Variants in ASDURF observed in about 807,000 individuals in gnomAD.
The protein encoded by ASDURF is ASNSD1 upstream open reading frame.
Under a neutral mutation model 3.3 loss-of-function variants are expected in ASDURF, and 3 were observed. The ratio of observed to expected loss-of-function variants is 0.92; its 90% CI spans 0.42 to 2.37. ASDURF has a LOEUF of 2.37. Ranked by LOEUF, ASDURF falls within the 30% of genes most tolerant of loss-of-function variation. ASDURF has a pLI of 0.05. For synonymous variants in ASDURF, 11 were observed against 8.3 expected, an observed-to-expected ratio of 1.32 and a Z score of -0.55; for missense variants, 23 against 25.4, an observed-to-expected ratio of 0.90 and a Z score of 0.21.
In ASDURF at chr2:189,666,228, C is replaced by T. The variant is rs568023301; in HGVS notation, c.*117C>T. ...TATATAATCTTAAACAGCGGGGACC[C>T]AATAGTAGTAAACAATTGTTAAAGT... is the stretch of plus-strand genomic sequence containing the variant. On this transcript the variant is annotated 3_prime_UTR_variant, in exon 4 of 4. Transcript: ENST00000607829. The T allele has an allele frequency of 2.5e-6, 4 of 1,613,982 alleles. No homozygotes were observed. The South Asian group carries it at 4.4e-5, about 18-fold the overall frequency.
rs1216290285 is a variant in ASDURF at position 189,666,025 on chromosome 2, T to C, written c.221-16T>C. The C allele has an allele frequency of 2.5e-6, 3 of 1,223,878 alleles. No homozygotes were observed. Among genetic ancestry groups the C allele is most frequent in the Non-Finnish European group, 3.3e-6 (3 of 896,606 alleles). The allele number at this position is 1,223,878 out of a possible 1,614,324, so 75.8% of individuals were successfully genotyped here. ...TTTTTATGTTATTTAATATTTATTCTCCTTCCCTGCAACAGATATATTGGA... is the reference window on the plus strand; with the variant it reads ...TTTTTATGTTATTTAATATTTATTCCCCTTCCCTGCAACAGATATATTGGA... On this transcript the variant is annotated splice_polypyrimidine_tract_variant and intron_variant, in intron 3 of 3. Transcript: ENST00000607829.
At position 189,661,513 on chromosome 2, in the gene ASDURF, C is replaced by G; in HGVS notation, c.-8C>G. On this transcript the variant is annotated 5_prime_UTR_variant, in exon 1 of 4. Transcript: ENST00000607829. The stretch of plus-strand genomic sequence containing the variant: ...TGAGCCATCCCGCGTGTCTTGCGCT[C>G]GGTGGAAATGCCCAGCCGAGGGACG... The G allele has an allele frequency of 2.5e-6, 1 of 399,218 alleles. No homozygotes were observed. The highest frequency in any genetic ancestry group is 4.4e-6 in the Non-Finnish European group (1 of 226,210). 24.7% of individuals were successfully genotyped at this position (399,218 alleles called of 1,614,324 possible). A position where few individuals can be genotyped will look rare whatever the true frequency, so the allele number is the denominator to read the frequency against.
In ASDURF at chr2:189,665,615, T is replaced by TAC. The variant is rs1174628073; in HGVS notation, c.220+165_220+166insCA. On this transcript the variant is annotated intron_variant, in intron 3 of 3. Coordinates refer to ENST00000607829, the MANE Select transcript of ASDURF (RefSeq NM_001353493.2). ...ATATATGTGTATATATATATATATA[T>TAC]ATATATATATATATATATATATATA... Among the ~76,000 whole-genome samples the TAC allele has an allele frequency of 4.5e-3, 477 of 106,226 alleles. 12 individuals carry two copies. The highest frequency in any genetic ancestry group is 0.017 in the African/African-American group (451 of 26,394). The allele number at this position is 106,226 out of a possible 152,430, so 69.7% of individuals were successfully genotyped here. A position where few individuals can be genotyped will look rare whatever the true frequency, so the allele number is the denominator to read the frequency against.
Position 189,661,494 on chromosome 2 carries a change from A to G in ASDURF, c.-27A>G, listed in dbSNP as rs575750733. The G allele has an allele frequency of 4.7e-4, 187 of 399,232 alleles. No individual in the cohort carries two copies. Among genetic ancestry groups the G allele is most frequent in the Non-Finnish European group, 7.8e-4 (177 of 226,230 alleles). 24.7% of individuals were successfully genotyped at this position (399,232 alleles called of 1,614,324 possible). A position where few individuals can be genotyped will look rare whatever the true frequency, so the allele number is the denominator to read the frequency against. On this transcript the variant is annotated 5_prime_UTR_variant, in exon 1 of 4. Coordinates refer to ENST00000607829, the MANE Select transcript of ASDURF (RefSeq NM_001353493.2). Reference sequence around the variant, plus strand: ...CCGTAGGCTCCTTCAGGGCTGAGCCATCCCGCGTGTCTTGCGCTCGGTGGA... The same window carrying G: ...CCGTAGGCTCCTTCAGGGCTGAGCCGTCCCGCGTGTCTTGCGCTCGGTGGA...
rs768674100 is a variant in ASDURF at position 189,666,177 on chromosome 2, C to T, written c.*66C>T. 2 of 1,601,918 alleles carry T rather than the reference C, an allele frequency of 1.2e-6. No homozygotes were observed. The highest frequency in any genetic ancestry group is 1.7e-6 in the Non-Finnish European group (2 of 1,175,202). ...CTGTAAACTTTTCTGCTGAGCATTT[C>T]AGTCAAGATTTAAAAGAGGACTTAC... On this transcript the variant is annotated 3_prime_UTR_variant, in exon 4 of 4. Transcript: ENST00000607829.
Position 189,665,392 on chromosome 2 carries a change from A to G in ASDURF, c.161A>G (p.Gln54Arg), listed in dbSNP as rs989160454. 1.8e-5 allele frequency: 7 copies of G among 397,530 alleles called. No homozygotes were observed. Among genetic ancestry groups the G allele is most frequent in the Non-Finnish European group, 2.2e-5 (5 of 225,424 alleles). 24.6% of individuals were successfully genotyped at this position (397,530 alleles called of 1,614,324 possible). A position where few individuals can be genotyped will look rare whatever the true frequency, so the allele number is the denominator to read the frequency against. ...LKKNRKVYRQQQNSNIFFLAD... is the reference protein window; with the variant it reads ...LKKNRKVYRQRQNSNIFFLAD... ...GTTTTCCAGAAAGTATATAGGCAAC[A>G]ACAGAACAGCAATATATTCTTTCTT... Residue 54 changes from glutamine (Q) to arginine (R), a missense_variant, in exon 3 of 4, where the codon CAA becomes CGA. Coordinates refer to ENST00000607829, the MANE Select transcript of ASDURF (RefSeq NM_001353493.2).
chr2:189,662,223 A>G (rs1449451560), intron 1 of ASDURF, among the ~76,000 whole-genome samples: 3 of 152,198 alleles, frequency 2.0e-5, no homozygotes, highest in African/African-American at 7.2e-5. Flanking sequence ...TGGGGGAGAG[A>G]GGAAGCCAAT....
chr2:189,663,799 GCCCCTTATC>G (rs1200116825), intron 1 of ASDURF, 93 bp from the exon 2 acceptor site: 6 of 347,734 alleles, frequency 1.7e-5, no homozygotes, highest in Non-Finnish European at 3.1e-5. Flanking sequence ...GTACATCATA[GCCCCTTATC>G]CCATCTCTAA....
intron 1 of ASDURF, among the ~76,000 whole-genome samples, chr2:189,662,468 G>A (rs1486107535): frequency 6.6e-6 from 1 of 152,152 alleles, no homozygotes; most frequent in African/African-American, 2.4e-5. Context: ...TAAATGTTAA[G>A]TCTCAAAGAA....
In ASDURF at chr2:189,665,427, A is replaced by G; in HGVS notation, c.196A>G (p.Thr66Ala). The change falls in exon 3 of 4, where the codon ACA becomes GCA. Residue 66 changes from threonine to alanine, a missense_variant. Physicochemically the swap from Thr to Ala is moderately conservative, Grantham distance 58. Transcript: ENST00000607829. ...CAATATATTCTTTCTTGCAGACCGA[A>G]CAGAAATGCTGTCTGAGAGCAAGAG... ...NSNIFFLADR[T>A]EMLSESKNIL... The G allele has an allele frequency of 2.5e-6, 1 of 397,754 alleles. No individual in the cohort carries two copies. The highest frequency in any genetic ancestry group is 4.4e-5 in the Admixed American group (1 of 22,672). The allele number at this position is 397,754 out of a possible 1,614,324, so 24.6% of individuals were successfully genotyped here.
chr2:189,666,173 A>C lies in ASDURF; in HGVS notation c.*62A>C. On this transcript the variant is annotated 3_prime_UTR_variant, in exon 4 of 4. Transcript: ENST00000607829. Reference sequence around the variant, plus strand: ...TGTTCTGTAAACTTTTCTGCTGAGCATTTCAGTCAAGATTTAAAAGAGGAC... The same window carrying C: ...TGTTCTGTAAACTTTTCTGCTGAGCCTTTCAGTCAAGATTTAAAAGAGGAC... 6.2e-7 allele frequency: 1 copy of C among 1,600,122 alleles called. No homozygotes were observed. The highest frequency in any genetic ancestry group is 8.5e-7 in the Non-Finnish European group (1 of 1,174,508).
At position 189,661,514 on chromosome 2, in the gene ASDURF, G is replaced by C. The variant is rs1574274912; in HGVS notation, c.-7G>C. ...GAGCCATCCCGCGTGTCTTGCGCTC[G>C]GTGGAAATGCCCAGCCGAGGGACGC... On this transcript the variant is annotated 5_prime_UTR_variant, in exon 1 of 4. Coordinates refer to ENST00000607829, the MANE Select transcript of ASDURF (RefSeq NM_001353493.2). The C allele has an allele frequency of 2.5e-6, 1 of 399,250 alleles. No homozygotes were observed. Among genetic ancestry groups the C allele is most frequent in the East Asian group, 3.6e-5 (1 of 28,074 alleles). The allele number at this position is 399,250 out of a possible 1,614,324, so 24.7% of individuals were successfully genotyped here.
At position 189,666,085 on chromosome 2, in the gene ASDURF, T is replaced by A; in HGVS notation, c.265T>A (p.Leu89Ile). 6.7e-7 allele frequency: 1 copy of A among 1,488,166 alleles called. No individual in the cohort carries two copies. The allele number at this position is 1,488,166 out of a possible 1,614,324, so 92.2% of individuals were successfully genotyped here. A position where few individuals can be genotyped will look rare whatever the true frequency, so the allele number is the denominator to read the frequency against. Residue 89 changes from leucine (L) to isoleucine (I), a missense_variant, in exon 4 of 4, where the codon TTA becomes ATA. Leu to Ile is a conservative substitution (Grantham distance 5). Coordinates refer to ENST00000607829, the MANE Select transcript of ASDURF (RefSeq NM_001353493.2). ...LKKEYQEIEN[L>I]DKTKIKK The stretch of plus-strand genomic sequence containing the variant: ...AAAAGAATACCAAGAAATAGAAAAC[T>A]TAGACAAGACCAAAATCAAGAAATA...
intron 1 of ASDURF, among the ~76,000 whole-genome samples, chr2:189,662,472 C>A (rs2032690134): frequency 6.6e-6 from 1 of 152,174 alleles, no homozygotes; most frequent in Admixed American, 6.5e-5. Flanking sequence ...TGTTAAGTCT[C>A]AAAGAATGTT....
Position 189,666,141 on chromosome 2 carries a change from C to A in ASDURF, c.*30C>A. On this transcript the variant is annotated 3_prime_UTR_variant, in exon 4 of 4. Transcript: ENST00000607829. ...CCTGATTTCACATAACAATGTGTGG[C>A]ATTTGTTGTTCTGTAAACTTTTCTG... is the stretch of plus-strand genomic sequence containing the variant. 6.4e-7 allele frequency: 1 copy of A among 1,558,214 alleles called. No homozygotes were observed. The highest frequency in any genetic ancestry group is 8.7e-7 in the Non-Finnish European group (1 of 1,154,306).
rs139920346 is a variant in ASDURF, at chr2:189,666,243, A to G, written c.*132A>G. 5.8e-5 allele frequency: 93 copies of G among 1,614,038 alleles called. No individual in the cohort carries two copies. Among genetic ancestry groups the G allele is most frequent in the Non-Finnish European group, 7.8e-5 (92 of 1,180,006 alleles). The stretch of plus-strand genomic sequence containing the variant: ...AGCGGGGACCCAATAGTAGTAAACA[A>G]TTGTTAAAGTCTGATGTTAACTACC... On this transcript the variant is annotated 3_prime_UTR_variant, in exon 4 of 4. Coordinates refer to ENST00000607829, the MANE Select transcript of ASDURF (RefSeq NM_001353493.2).
rs1038741939 is a variant in ASDURF, at chr2:189,664,052, T to G, written c.144+98T>G. On this transcript the variant is annotated intron_variant, in intron 2 of 3. Coordinates refer to ENST00000607829, the MANE Select transcript of ASDURF (RefSeq NM_001353493.2). ...AAGTATATATAAGATTTAATCATAC[T>G]TTAATAAAATGTATAGTATTTCAGC... is the stretch of plus-strand genomic sequence containing the variant. The G allele has an allele frequency of 2.4e-4, 84 of 344,466 alleles. 1 individual carries two copies. Among genetic ancestry groups the G allele is most frequent in the African/African-American group, 1.7e-3 (81 of 47,710 alleles). 21.3% of individuals were successfully genotyped at this position (344,466 alleles called of 1,614,324 possible). A position where few individuals can be genotyped will look rare whatever the true frequency, so the allele number is the denominator to read the frequency against.
rs985347849 is a variant in ASDURF, at chr2:189,661,719, G to T, written c.90+109G>T. ...TGGGGCCTGCCTGGGCCTCGGCTTT[G>T]CCCTGCTACTTTGCTCTTTTTATTC... On this transcript the variant is annotated intron_variant, in intron 1 of 3. Transcript: ENST00000607829. The T allele has an allele frequency of 9.0e-5, 36 of 398,288 alleles. 1 individual carries two copies. The highest frequency in any genetic ancestry group is 2.1e-4 in the African/African-American group (10 of 48,632). 24.7% of individuals were successfully genotyped at this position (398,288 alleles called of 1,614,324 possible). A position where few individuals can be genotyped will look rare whatever the true frequency, so the allele number is the denominator to read the frequency against.
intron 3 of ASDURF, among the ~76,000 whole-genome samples, 180 bp downstream of exon 3, chr2:189,665,631 TA>T (rs1559034496): frequency 2.1e-5 from 2 of 95,446 alleles, no homozygotes; most frequent in African/African-American, 7.4e-5. Context: ...TATATATATA[TA>T]TATATATATA....
Sources: allele counts gnomAD v4.1 joint callset (sites outside exome capture counted in the v4.1 genomes callset), GRCh38; gene constraint gnomAD v4.1.1; transcripts MANE v1.5; gene names NCBI Gene and HGNC (gene_info 2026-07-23, HGNC 2026-07-21).